NINJ2: variants seen among roughly 807,000 people sequenced by gnomAD.
NINJ2 encodes the protein ninjurin-2.
In NINJ2, 12 loss-of-function variants were observed where a neutral mutation model predicts 11.7. That is an observed-to-expected ratio of 1.02 (90% CI 0.66 to 1.66). The LOEUF is 1.66. Among genes scored for constraint, NINJ2 ranks in the 40% most tolerant of loss-of-function variants. The probability of loss-of-function intolerance (pLI) is 0.00; values close to 1 mark genes in which losing one functional copy is unlikely to be tolerated. For synonymous variants in NINJ2, 93 were observed against 76.8 expected (o/e 1.21, Z -1.10); for missense variants, 187 against 181.8 (o/e 1.03, Z -0.16).
At chr12:620,153 G>A (rs1214201512) in intron 1 of NINJ2, among the ~76,000 whole-genome samples, 1 of 152,234 alleles carries the variant, frequency 6.6e-6, no homozygotes, top group African/African-American at 2.4e-5. Context: ...GGCAGTATGG[G>A]AGTGGGAAAC....
intron 1 of NINJ2, among the ~76,000 whole-genome samples, chr12:588,056 C>T (rs556217450): frequency 4.6e-5 from 7 of 152,158 alleles, no homozygotes; most frequent in Admixed American, 1.3e-4. Flanking sequence ...ACCAGTGTAT[C>T]ATCCTTCCAC....
At chr12:567,975 C>A (rs1174632224) in intron 1 of NINJ2, among the ~76,000 whole-genome samples, 3 of 152,202 alleles carry the variant, frequency 2.0e-5, no homozygotes, top group Non-Finnish European at 4.4e-5. Flanking sequence ...CCATTGCACT[C>A]TAGCCTGGGT....
chr12:610,742 T>TTC (rs1948017938), intron 1 of NINJ2: 1 of 648,782 alleles, frequency 1.5e-6, no homozygotes, highest in African/African-American at 2.0e-5. Flanking sequence ...TTTTTTTTTT[T>TTC]TTTTTTTTGA....
intron 1 of NINJ2, among the ~76,000 whole-genome samples, chr12:634,254 T>A (rs1001227507): frequency 6.7e-6 from 1 of 148,988 alleles, no homozygotes; most frequent in South Asian, 2.1e-4. Context: ...AAATGTTGAT[T>A]AGTTGCAGTT....
intron 1 of NINJ2, among the ~76,000 whole-genome samples, chr12:654,853 T>C (rs1383299266): frequency 6.7e-6 from 1 of 149,842 alleles, no homozygotes; most frequent in East Asian, 1.9e-4. Context: ...GATCAACTAT[T>C]GCACTCCAGC....
chr12:578,090 C>T (rs148922310), intron 1 of NINJ2, among the ~76,000 whole-genome samples: 1 of 152,172 alleles, frequency 6.6e-6, no homozygotes, highest in Non-Finnish European at 1.5e-5. Context: ...ATAAGAAAAG[C>T]ACTGTGAAGA....
chr12:628,281 A>C lies in NINJ2; in HGVS notation c.33+35047T>G, dbSNP rs1278058318. ...ATGTTTCCCCTTCGTATGTACTCTG[A>C]GATCTCTATGAGGAGTCTTCCTAGA... is the stretch of plus-strand genomic sequence containing the variant. On this transcript the variant is annotated intron_variant, in intron 1 of 3. Coordinates refer to ENST00000305108, the MANE Select transcript of NINJ2 (RefSeq NM_016533.6). This position sits in a 1 kb window ranked among gnomAD's most constrained non-coding sequence, Gnocchi z 4.4. Among the ~76,000 whole-genome samples the C allele has an allele frequency of 6.6e-6, 1 of 152,008 alleles. No homozygotes were observed. The highest frequency in any genetic ancestry group is 2.0e-4 in the East Asian group (1 of 5,106).
At chr12:576,249 G>A (rs1947458559) in intron 1 of NINJ2, among the ~76,000 whole-genome samples, 1 of 152,114 alleles carries the variant, frequency 6.6e-6, no homozygotes, top group South Asian at 2.1e-4. Flanking sequence ...AGGCCTCCCC[G>A]GAAGGCCTGC....
intron 1 of NINJ2, among the ~76,000 whole-genome samples, chr12:592,692 C>T (rs1947733132): frequency 6.6e-6 from 1 of 152,054 alleles, no homozygotes; most frequent in Non-Finnish European, 1.5e-5. Context: ...AAAAGAAAAA[C>T]TCCATCTCAA....
At chr12:599,563 C>T (rs1434079048) in intron 1 of NINJ2, among the ~76,000 whole-genome samples, 2 of 152,192 alleles carry the variant, frequency 1.3e-5, no homozygotes, top group African/African-American at 2.4e-5. Context: ...CAACATCCTA[C>T]AAGGGGGTAT....
rs1352136022 is a variant in NINJ2 at position 564,589 on chromosome 12, TA to T, written c.*110del. ...TGTGGGTAGGGAGCAAGGGCAGCTA[TA>T]CTGTCCTTTCAGAAGCTCTCCTGGG... On this transcript the variant is annotated 3_prime_UTR_variant, in exon 4 of 4. Transcript: ENST00000305108. 6.6e-6 allele frequency: 1 copy of T among 152,282 alleles called. No homozygotes were observed. The highest frequency in any genetic ancestry group is 2.4e-5 in the African/African-American group (1 of 41,458). 9.4% of individuals were successfully genotyped at this position (152,282 alleles called of 1,614,324 possible).
intron 1 of NINJ2, among the ~76,000 whole-genome samples, chr12:639,296 C>T (rs1948392395): frequency 1.3e-5 from 2 of 152,120 alleles, no homozygotes; most frequent in South Asian, 4.1e-4. Flanking sequence ...TGTCATTGCT[C>T]ATAGTGCTTT....
rs573153070 is a variant in NINJ2, at chr12:581,394, G to T, written c.34-15216C>A. On this transcript the variant is annotated intron_variant, in intron 1 of 3. Coordinates refer to ENST00000305108, the MANE Select transcript of NINJ2 (RefSeq NM_016533.6). The surrounding 1 kb of genome is among the most constrained non-coding windows in gnomAD (Gnocchi z 4.9). ...GATCAAAGCCGCTCCTGATTGGTGGGCCAGCCTGAATCTGCTGCGCCTGCC... is the reference window on the plus strand; with the variant it reads ...GATCAAAGCCGCTCCTGATTGGTGGTCCAGCCTGAATCTGCTGCGCCTGCC... Among the ~76,000 whole-genome samples, 1 of 152,156 alleles carries T rather than the reference G, an allele frequency of 6.6e-6. No homozygotes were observed. The highest frequency in any genetic ancestry group is 6.5e-5 in the Admixed American group (1 of 15,272).
Position 610,091 on chromosome 12 carries a change from C to T in NINJ2, c.34-43913G>A, listed in dbSNP as rs192018021. On this transcript the variant is annotated intron_variant, in intron 1 of 3. Transcript: ENST00000305108. Reference sequence around the variant, plus strand: ...CAGCTGTCCTACTAGCCTAATTCATCTGGCATCACTGGGGCCAAAAGCTAC... The same window carrying T: ...CAGCTGTCCTACTAGCCTAATTCATTTGGCATCACTGGGGCCAAAAGCTAC... Among the ~76,000 whole-genome samples the T allele has an allele frequency of 2.6e-5, 4 of 152,294 alleles. No homozygotes were observed. In the East Asian group the frequency reaches 7.7e-4, roughly 29 times the overall value.
chr12:663,230 G>A lies in NINJ2; in HGVS notation c.33+98C>T, dbSNP rs1937982778. The stretch of plus-strand genomic sequence containing the variant: ...AGGGAGTGAGTAAGAAGAGAACGGG[G>A]AGGGAGAATATCAAGTGACTAAAGT... On this transcript the variant is annotated intron_variant, in intron 1 of 3. Coordinates refer to ENST00000305108, the MANE Select transcript of NINJ2 (RefSeq NM_016533.6). 1.4e-5 allele frequency: 15 copies of A among 1,082,732 alleles called. No homozygotes were observed. In the Admixed American group the frequency reaches 2.4e-4, roughly 17 times the overall value. 67.1% of individuals were successfully genotyped at this position (1,082,732 alleles called of 1,614,324 possible).
chr12:601,471 C>T (rs1248800043), intron 1 of NINJ2, among the ~76,000 whole-genome samples: 3 of 151,788 alleles, frequency 2.0e-5, no homozygotes, highest in African/African-American at 7.3e-5. Flanking sequence ...TGGTGTGAAC[C>T]TGGGAGGCGG....
intron 1 of NINJ2, among the ~76,000 whole-genome samples, chr12:613,055 G>A (rs897238457): frequency 3.9e-5 from 6 of 152,260 alleles, no homozygotes; most frequent in South Asian, 4.1e-4. Context: ...TGTCCAAAGC[G>A]TGCAATTCAG....
intron 1 of NINJ2, among the ~76,000 whole-genome samples, chr12:567,170 C>G (rs532496445): frequency 6.6e-6 from 1 of 152,192 alleles, no homozygotes; most frequent in South Asian, 2.1e-4. Context: ...GATGCTACGG[C>G]CTGGAGGTAG....
At chr12:586,383 A>G (rs1349012851) in intron 1 of NINJ2, 1 of 152,242 alleles carries the variant, frequency 6.6e-6, no homozygotes. Context: ...GCCCAGCCAG[A>G]TCTGGCTCTG....
Sources: allele counts gnomAD v4.1 joint callset (sites outside exome capture counted in the v4.1 genomes callset), GRCh38; gene constraint gnomAD v4.1.1; non-coding constraint Gnocchi (gnomAD v3.1); transcripts MANE v1.5; gene names NCBI Gene and HGNC (gene_info 2026-07-23, HGNC 2026-07-21).